RAB3GAP1: variants seen among roughly 807,000 people sequenced by gnomAD.
RAB3GAP1 encodes the protein rab3 GTPase-activating protein catalytic subunit.
Under a neutral mutation model 130.7 loss-of-function variants are expected in RAB3GAP1, and 86 were observed. The observed-to-expected ratio is 0.66, with a 90% CI of 0.55 to 0.79. The LOEUF (loss-of-function observed/expected upper bound fraction) is 0.79. Ranked by LOEUF, RAB3GAP1 falls within the 30% of genes least tolerant of loss-of-function variation. The pLI is 0.00. For missense variants in RAB3GAP1, 1,029 were observed against 1,169.4 expected (o/e 0.88, Z 1.75); for synonymous variants, 367 against 401.7 (o/e 0.91, Z 1.03).
Position 135,150,353 on chromosome 2 carries a change from C to T in RAB3GAP1, c.1924-16C>T. The T allele has an allele frequency of 6.2e-7, 1 of 1,613,946 alleles. No homozygotes were observed. Among genetic ancestry groups the T allele is most frequent in the East Asian group, 2.2e-5 (1 of 44,868 alleles). ...AAAAGGGCTGTTTATGAGCCTTGTC[C>T]TTTTGTGCTTCACAGGAACCAGCAC... On this transcript the variant is annotated splice_polypyrimidine_tract_variant and intron_variant, in intron 17 of 23. Coordinates refer to ENST00000264158, the MANE Select transcript of RAB3GAP1 (RefSeq NM_012233.3).
At chr2:135,142,910 A>G (rs1216626785) in intron 17 of RAB3GAP1, among the ~76,000 whole-genome samples, 1 of 139,890 alleles carries the variant, frequency 7.1e-6, no homozygotes, top group Non-Finnish European at 1.6e-5. Context: ...TAGGATTTTT[A>G]TATTCATATG....
chr2:135,134,783 T>C (rs1418381017), intron 15 of RAB3GAP1, among the ~76,000 whole-genome samples: 1 of 152,168 alleles, frequency 6.6e-6, no homozygotes, highest in Non-Finnish European at 1.5e-5. Flanking sequence ...CTCTGGCTGA[T>C]TGCTGGGAAC....
chr2:135,085,130 A>G (rs1689936434), intron 3 of RAB3GAP1, among the ~76,000 whole-genome samples: 1 of 152,348 alleles, frequency 6.6e-6, no homozygotes, highest in African/African-American at 2.4e-5. Context: ...GAAAAGGGTC[A>G]GATCTGTAAG....
chr2:135,122,389 G>C (rs1691231069), intron 8 of RAB3GAP1, among the ~76,000 whole-genome samples: 1 of 151,914 alleles, frequency 6.6e-6, no homozygotes, highest in African/African-American at 2.4e-5. Flanking sequence ...TCCTTCCAAG[G>C]CTACTCTCTT....
intron 20 of RAB3GAP1, 22 bp downstream of exon 20, chr2:135,162,673 T>A: frequency 6.2e-7 from 1 of 1,605,532 alleles, no homozygotes; most frequent in Non-Finnish European, 8.5e-7. Context: ...ATTTAACTAG[T>A]CATTAGTCAT....
chr2:135,109,021 G>A (rs892925222), intron 5 of RAB3GAP1, among the ~76,000 whole-genome samples: 22 of 152,092 alleles, frequency 1.4e-4, no homozygotes, highest in African/African-American at 4.8e-4. Flanking sequence ...TGTCTATTCT[G>A]TTCCATTGAT....
Position 135,151,675 on chromosome 2 carries a change from T to C in RAB3GAP1, c.2061+1169T>C, listed in dbSNP as rs373614759. Among the ~76,000 whole-genome samples, 33 of 152,150 alleles carry C rather than the reference T, an allele frequency of 2.2e-4. No homozygotes were observed. The South Asian group carries it at 5.8e-3, about 27-fold the overall frequency. Reference sequence around the variant, plus strand: ...GCTTTAAAACAAATAGTTGGTACAGTGGATAAAGAGAAGCCAGTTGGCTCT... The same window carrying C: ...GCTTTAAAACAAATAGTTGGTACAGCGGATAAAGAGAAGCCAGTTGGCTCT... On this transcript the variant is annotated intron_variant, in intron 18 of 23. Transcript: ENST00000264158.
chr2:135,094,365 C>A (rs1690231772), intron 5 of RAB3GAP1, among the ~76,000 whole-genome samples: 1 of 151,798 alleles, frequency 6.6e-6, no homozygotes, highest in South Asian at 2.1e-4. Context: ...ATGATAAATG[C>A]TTGAGGTGAT....
intron 17 of RAB3GAP1, among the ~76,000 whole-genome samples, chr2:135,148,416 CTT>C (rs1179770023): frequency 1.3e-5 from 2 of 151,378 alleles, no homozygotes; most frequent in Non-Finnish European, 2.9e-5. Context: ...AGTTTGAAGA[CTT>C]TACCCCAATA....
chr2:135,119,563 G>T (rs550289316), intron 7 of RAB3GAP1, among the ~76,000 whole-genome samples: 68 of 151,996 alleles, frequency 4.5e-4, no homozygotes, highest in African/African-American at 1.5e-3. Context: ...CTAAAAAGTT[G>T]ATATACTGAC....
At chr2:135,094,269 T>C (rs915531983) in intron 5 of RAB3GAP1, among the ~76,000 whole-genome samples, 2 of 152,170 alleles carry the variant, frequency 1.3e-5, no homozygotes, top group African/African-American at 4.8e-5. Context: ...GTTTTTTCTT[T>C]CAGTTTTTTT....
At chr2:135,130,198 C>A in intron 12 of RAB3GAP1, 111 bp downstream of exon 12, 1 of 946,016 alleles carries the variant, frequency 1.1e-6, no homozygotes, top group Non-Finnish European at 1.7e-6. Context: ...GTTGGATAAT[C>A]AAGTTTTGAT....
intron 3 of RAB3GAP1, among the ~76,000 whole-genome samples, chr2:135,067,731 T>G (rs1409576089): frequency 6.6e-6 from 1 of 152,178 alleles, no homozygotes; most frequent in Admixed American, 6.5e-5. Flanking sequence ...CTGTCTTAAT[T>G]GCTGTTATTA....
At chr2:135,087,551 C>G (rs1222159596) in intron 3 of RAB3GAP1, among the ~76,000 whole-genome samples, 2 of 152,134 alleles carry the variant, frequency 1.3e-5, no homozygotes, top group Non-Finnish European at 2.9e-5. Flanking sequence ...TTTAATATCT[C>G]TCTGCAGTGT....
chr2:135,148,256 T>G (rs1293960546), intron 17 of RAB3GAP1, among the ~76,000 whole-genome samples: 1 of 152,194 alleles, frequency 6.6e-6, no homozygotes, highest in Non-Finnish European at 1.5e-5. Context: ...AATTTCAAGC[T>G]TTAGAAGTTA....
At chr2:135,145,208 CTTAT>C (rs1230279647) in intron 17 of RAB3GAP1, among the ~76,000 whole-genome samples, 4 of 152,036 alleles carry the variant, frequency 2.6e-5, no homozygotes, top group Admixed American at 6.6e-5. Context: ...AAATCTGTCA[CTTAT>C]TTATCATTTT....
intron 5 of RAB3GAP1, among the ~76,000 whole-genome samples, chr2:135,111,560 G>A (rs1018624295): frequency 5.9e-5 from 9 of 152,270 alleles, no homozygotes; most frequent in Admixed American, 6.5e-5. Flanking sequence ...TTAGTAAACT[G>A]TGTTCTCACA....
Position 135,120,270 on chromosome 2 carries a change from T to C in RAB3GAP1, c.649-549T>C, listed in dbSNP as rs945207915. The stretch of plus-strand genomic sequence containing the variant: ...GCATTTTGCTTAATAGAATGTAATA[T>C]CTCTTTTTCTAATAGCAGTTTAAAC... On this transcript the variant is annotated intron_variant, in intron 7 of 23. Coordinates refer to ENST00000264158, the MANE Select transcript of RAB3GAP1 (RefSeq NM_012233.3). 2.6e-5 allele frequency among the ~76,000 whole-genome samples: 4 copies of C among 152,330 alleles called. No individual in the cohort carries two copies. The East Asian group carries it at 7.7e-4, about 29-fold the overall frequency.
At position 135,115,388 on chromosome 2, in the gene RAB3GAP1, T is replaced by C; in HGVS notation, c.648+7T>C. 1 of 1,607,618 alleles carries C rather than the reference T, an allele frequency of 6.2e-7. No individual in the cohort carries two copies. The highest frequency in any genetic ancestry group is 8.5e-7 in the Non-Finnish European group (1 of 1,174,462). On this transcript the variant is annotated splice_region_variant and intron_variant, in intron 7 of 23. Transcript: ENST00000264158. ...TATCTTCAAATCAAAGATTGTGAGT[T>C]GGGATTGATATTGTCAGTCTTATCT...
Sources: gnomAD v4.1 joint callset for allele counts (sites outside exome capture counted in the v4.1 genomes callset) on GRCh38, gnomAD v4.1.1 for gene constraint, MANE v1.5 for transcripts, NCBI Gene and HGNC (gene_info 2026-07-23, HGNC 2026-07-21) for gene names.